Variants in MAPRE2 observed in about 807,000 individuals in gnomAD.
MAPRE2 encodes microtubule-associated protein RP/EB family member 2.
In MAPRE2, 13 loss-of-function variants were observed where a neutral mutation model predicts 43.2. The observed-to-expected ratio is 0.30, with a 90% CI of 0.20 to 0.48. The LOEUF (loss-of-function observed/expected upper bound fraction) is 0.48, where lower values mean the gene tolerates loss of function less well. Ranked by LOEUF, MAPRE2 falls within the 20% of genes least tolerant of loss-of-function variation. The probability of loss-of-function intolerance (pLI) is 0.99; values close to 1 mark genes in which losing one functional copy is unlikely to be tolerated. For missense variants in MAPRE2, 161 were observed against 400.2 expected (o/e 0.40, Z 5.10); for synonymous variants, 135 against 148.8 (o/e 0.91, Z 0.68).
intron 2 of MAPRE2, among the ~76,000 whole-genome samples, chr18:35,074,771 C>T (rs1284332072): frequency 3.3e-5 from 5 of 152,070 alleles, no homozygotes; most frequent in African/African-American, 1.2e-4. Context: ...CCTCCCCACC[C>T]CTCCACTAGC....
intron 1 of MAPRE2, among the ~76,000 whole-genome samples, chr18:34,991,834 T>C (rs1052552845): frequency 1.3e-5 from 2 of 152,110 alleles, no homozygotes; most frequent in Non-Finnish European, 2.9e-5. Context: ...GGTAAAACAA[T>C]TGTTGTGTTC....
intron 2 of MAPRE2, among the ~76,000 whole-genome samples, chr18:35,094,356 A>T (rs1362882858): frequency 6.6e-6 from 1 of 152,244 alleles, no homozygotes; most frequent in Non-Finnish European, 1.5e-5. Flanking sequence ...GATAAAATTT[A>T]GGAAAATTTT....
At chr18:35,122,216 AG>A (rs1909708310) in intron 4 of MAPRE2, among the ~76,000 whole-genome samples, 1 of 152,202 alleles carries the variant, frequency 6.6e-6, no homozygotes, top group Admixed American at 6.5e-5. Context: ...GACAGCTGTG[AG>A]GGGTAAATTA....
chr18:34,985,046 A>T (rs1349763966), intron 1 of MAPRE2, among the ~76,000 whole-genome samples: 2 of 53,358 alleles, frequency 3.7e-5, no homozygotes, highest in African/African-American at 7.9e-5. Flanking sequence ...TAATATATAA[A>T]ATATATTATA....
chr18:34,995,039 G>T (rs1028382054), intron 1 of MAPRE2, among the ~76,000 whole-genome samples: 1 of 152,046 alleles, frequency 6.6e-6, no homozygotes, highest in Non-Finnish European at 1.5e-5. Flanking sequence ...ACATGCATTG[G>T]GTTTTAAAAA....
Position 35,100,868 on chromosome 18 carries a change from C to T in MAPRE2, c.397-1078C>T, listed in dbSNP as rs377524942. Reference sequence around the variant, plus strand: ...CCAGTCTGGCCAACATGTGAAACCCCGTCTCTACTAATAAACAAAAATTAG... The same window carrying T: ...CCAGTCTGGCCAACATGTGAAACCCTGTCTCTACTAATAAACAAAAATTAG... On this transcript the variant is annotated intron_variant, in intron 3 of 6. Coordinates refer to ENST00000300249, the MANE Select transcript of MAPRE2 (RefSeq NM_014268.4). Among the ~76,000 whole-genome samples, 10 of 152,094 alleles carry T rather than the reference C, an allele frequency of 6.6e-5. No homozygotes were observed. The East Asian group carries it at 9.7e-4, about 15-fold the overall frequency.
chr18:35,011,862 C>T (rs958141101), intron 2 of MAPRE2, among the ~76,000 whole-genome samples: 18 of 152,112 alleles, frequency 1.2e-4, no homozygotes, highest in East Asian at 9.7e-4. Context: ...GTGTTAAATG[C>T]TGTTTCAGTG....
chr18:35,090,943 G>A (rs1833530281), intron 2 of MAPRE2, among the ~76,000 whole-genome samples: 1 of 152,064 alleles, frequency 6.6e-6, no homozygotes, highest in South Asian at 2.1e-4. Flanking sequence ...AAAAATTAAG[G>A]AAGCAATCCC....
upstream of MAPRE2, among the ~76,000 whole-genome samples, chr18:35,038,902 G>T (rs1021028223): frequency 3.3e-5 from 5 of 152,098 alleles, no homozygotes; most frequent in Non-Finnish European, 7.4e-5. Flanking sequence ...GAAGATTTAC[G>T]CGGCCCTTGG....
chr18:35,089,340 C>G (rs2144146702), intron 2 of MAPRE2, among the ~76,000 whole-genome samples: 1 of 152,132 alleles, frequency 6.6e-6, no homozygotes, highest in East Asian at 1.9e-4. Context: ...ATTTTTGCTT[C>G]AAATGATACC....
At chr18:35,067,182 A>G (rs1434298048) in intron 1 of MAPRE2, among the ~76,000 whole-genome samples, 1 of 152,204 alleles carries the variant, frequency 6.6e-6, no homozygotes, top group Non-Finnish European at 1.5e-5. Context: ...CCTGGTAACT[A>G]AGTACCCAGA....
rs1406867471 is a variant in MAPRE2 at position 35,109,369 on chromosome 18, A to G, written c.610+7210A>G. Among the ~76,000 whole-genome samples, 10 of 152,164 alleles carry G rather than the reference A, an allele frequency of 6.6e-5. No homozygotes were observed. The East Asian group carries it at 1.3e-3, about 20-fold the overall frequency. ...GTTTTGGTTACTGTAGCCTTGTAGTATAGTTTGAAGTCAGGTAGTGTGATG... is the reference window on the plus strand; with the variant it reads ...GTTTTGGTTACTGTAGCCTTGTAGTGTAGTTTGAAGTCAGGTAGTGTGATG... On this transcript the variant is annotated intron_variant, in intron 4 of 6. Coordinates refer to ENST00000300249, the MANE Select transcript of MAPRE2 (RefSeq NM_014268.4).
chr18:35,124,678 C>A (rs552559637), intron 4 of MAPRE2, among the ~76,000 whole-genome samples: 18 of 152,294 alleles, frequency 1.2e-4, no homozygotes, highest in Middle Eastern at 3.4e-3. Flanking sequence ...TTCTGTTAGA[C>A]TTCCTTTATA....
intron 2 of MAPRE2, among the ~76,000 whole-genome samples, chr18:35,084,544 T>G (rs1907782850): frequency 1.3e-5 from 2 of 152,222 alleles, no homozygotes; most frequent in African/African-American, 4.8e-5. Context: ...TGATTATTAC[T>G]AGCTTATTTC....
At chr18:34,978,737 G>A (rs1384415007) in intron 1 of MAPRE2, among the ~76,000 whole-genome samples, 1 of 152,122 alleles carries the variant, frequency 6.6e-6, no homozygotes, top group African/African-American at 2.4e-5. Flanking sequence ...AAGAGGTCCG[G>A]GAGCTCACCG....
At chr18:35,133,637 A>C (rs1464956089) in intron 6 of MAPRE2, among the ~76,000 whole-genome samples, 2 of 152,180 alleles carry the variant, frequency 1.3e-5, no homozygotes, top group East Asian at 3.8e-4. Context: ...TGCAGGATCA[A>C]ATCTTCTTCC....
At position 35,140,315 on chromosome 18, in the gene MAPRE2, G is replaced by C. The variant is rs753935720; in HGVS notation, c.930G>C (p.Pro310=). The C allele has an allele frequency of 6.2e-7, 1 of 1,613,714 alleles. No individual in the cohort carries two copies. Among genetic ancestry groups the C allele is most frequent in the African/African-American group, 1.3e-5 (1 of 74,900 alleles). Residue 310 remains proline (P), a synonymous_variant, in exon 7 of 7, where the codon CCG becomes CCC. Transcript: ENST00000300249. The part of the protein sequence containing the change: ...SEEHEGHTEE[P]EAEEQAHEQQ... ...CACAGGAGGGCCACACAGAAGAGCC[G>C]GAAGCAGAGGAGCAAGCCCACGAAC...
chr18:34,992,430 C>T lies in MAPRE2; in HGVS notation c.-69-13062C>T, dbSNP rs1019632598. Among the ~76,000 whole-genome samples the T allele has an allele frequency of 2.0e-5, 3 of 152,122 alleles. No homozygotes were observed. In the South Asian group the frequency reaches 6.2e-4, roughly 32 times the overall value. On this transcript the variant is annotated intron_variant, in intron 1 of 7. Transcript: ENST00000413393. ...TAATTTGAACTGATTGTCAAGGGAC[C>T]TAGTTCTTGCCCCAGCTGTGCTTAA...
intron 1 of MAPRE2, among the ~76,000 whole-genome samples, chr18:35,067,970 C>CT (rs1906916701): frequency 6.6e-6 from 1 of 152,194 alleles, no homozygotes; most frequent in Non-Finnish European, 1.5e-5. Flanking sequence ...TATGGTCACA[C>CT]TATCTGAGAT....
Sources: gnomAD v4.1 joint callset for allele counts (sites outside exome capture counted in the v4.1 genomes callset) on GRCh38, gnomAD v4.1.1 for gene constraint, MANE v1.5 for transcripts, NCBI Gene and HGNC (gene_info 2026-07-23, HGNC 2026-07-21) for gene names.